Variants in DHX32 observed in about 807,000 individuals in gnomAD.
DHX32 encodes the protein putative pre-mRNA-splicing factor ATP-dependent RNA helicase DHX32.
In DHX32, 51 loss-of-function variants were observed where a neutral mutation model predicts 70.0. That is an observed-to-expected ratio of 0.73 (90% CI 0.58 to 0.92). The LOEUF (loss-of-function observed/expected upper bound fraction) is 0.92, where lower values mean the gene tolerates loss of function less well. Among genes scored for constraint, DHX32 ranks in the 40% least tolerant of loss-of-function variants. DHX32 has a pLI of 0.00. For missense variants in DHX32, 762 were observed against 891.8 expected, an observed-to-expected ratio of 0.85 and a Z score of 1.85; for synonymous variants, 310 against 315.3, an observed-to-expected ratio of 0.98 and a Z score of 0.18.
chr10:125,847,698 A>G (rs10901454), intron 6 of DHX32, among the ~76,000 whole-genome samples: 72,867 of 151,914 alleles, frequency 0.48, 18,015 homozygotes, highest in African/African-American at 0.58. Context: ...ATAATTATAC[A>G]ACTCATCATA....
chr10:125,853,083 T>A (rs1482940285), intron 4 of DHX32: 6 of 1,414,054 alleles, frequency 4.2e-6, no homozygotes, highest in Non-Finnish European at 5.9e-6. Flanking sequence ...TAACAGCTAA[T>A]ACAGAAACTG....
chr10:125,854,053 T>C lies in DHX32; in HGVS notation c.1000A>G (p.Arg334Gly). 1 of 1,614,148 alleles carries C rather than the reference T, an allele frequency of 6.2e-7. No homozygotes were observed. Among genetic ancestry groups the C allele is most frequent in the Non-Finnish European group, 8.5e-7 (1 of 1,180,012 alleles). The change falls in exon 4 of 11, where the codon AGA becomes GGA. Residue 334 changes from arginine (R) to glycine (G), a missense_variant. By Grantham distance (125) the Arg-to-Gly change is moderately radical. This residue lies in a region of DHX32 where 394 missense variants were observed against 473.1 expected (regional missense o/e 0.83). Coordinates refer to ENST00000284690, the MANE Select transcript of DHX32 (RefSeq NM_018180.3). ...GAGCTAGTAGTTAACACCACTCTTC[T>C]TTGATAAACTTGGCATCTTTTTTCT... Reference protein sequence around the residue: ...ETEKRCQVYQRRVVLTTSSGE... With the variant: ...ETEKRCQVYQGRVVLTTSSGE...
chr10:125,856,301 T>G (rs996030136), intron 3 of DHX32, among the ~76,000 whole-genome samples: 9 of 152,204 alleles, frequency 5.9e-5, no homozygotes, highest in African/African-American at 2.2e-4. Context: ...ATAAAACATT[T>G]CCCAGGAAAA....
At chr10:125,842,277 C>A in intron 6 of DHX32, 1 of 244,506 alleles carries the variant, frequency 4.1e-6, no homozygotes, top group Non-Finnish European at 7.8e-6. Context: ...GGTCACAGTA[C>A]TGGAGAGAGA....
At position 125,843,520 on chromosome 10, in the gene DHX32, G is replaced by A. The variant is rs192400567; in HGVS notation, c.1352-1586C>T. On this transcript the variant is annotated intron_variant, in intron 6 of 10. Coordinates refer to ENST00000284690, the MANE Select transcript of DHX32 (RefSeq NM_018180.3). ...CCAGCTACTCGGGAGGTTGAGGCAG[G>A]AGAATGGCGTGAACCCAGGAAGTGG... 3.9e-3 allele frequency among the ~76,000 whole-genome samples: 587 copies of A among 152,168 alleles called. 1 individual carries two copies. Among genetic ancestry groups the A allele is most frequent in the Non-Finnish European group, 5.9e-3 (402 of 68,002 alleles).
chr10:125,855,115 A>G (rs1453623909), intron 3 of DHX32, among the ~76,000 whole-genome samples: 1 of 151,688 alleles, frequency 6.6e-6, no homozygotes, highest in African/African-American at 2.4e-5. Flanking sequence ...CCAGCTACTC[A>G]CAAGGCTGAG....
chr10:125,870,216 A>G (rs559781939), intron 1 of DHX32, among the ~76,000 whole-genome samples: 1 of 152,328 alleles, frequency 6.6e-6, no homozygotes, highest in Non-Finnish European at 1.5e-5. Flanking sequence ...AGGCATAACC[A>G]TCCTGGGATC....
At chr10:125,895,491 G>C (rs1377846532) in intron 1 of DHX32, among the ~76,000 whole-genome samples, 1 of 151,940 alleles carries the variant, frequency 6.6e-6, no homozygotes, top group Non-Finnish European at 1.5e-5. Flanking sequence ...TCCTCCTTCT[G>C]GTGTTCCGGA....
chr10:125,875,738 G>A (rs1944280242), intron 1 of DHX32, among the ~76,000 whole-genome samples: 1 of 152,232 alleles, frequency 6.6e-6, no homozygotes, highest in African/African-American at 2.4e-5. Context: ...AATTATGATG[G>A]TGAAGGAGAT....
chr10:125,853,071 C>G, intron 4 of DHX32: 1 of 1,309,692 alleles, frequency 7.6e-7, no homozygotes, highest in Non-Finnish European at 1.1e-6. Context: ...GAGTTCCAAT[C>G]ATAACAGCTA....
rs1174655854 is a variant in DHX32 at position 125,839,031 on chromosome 10, C to T, written c.1851G>A (p.Lys617=). The stretch of plus-strand genomic sequence containing the variant: ...TAAAGTAACCGGACAGAAGAGCTTT[C>T]TTTATGTTTAGAGTGTTTTCCTTGG... ...FGSKENTLNI[K]KALLSGYFMQ... Residue 617 remains lysine, a synonymous_variant, in exon 9 of 11, where the codon AAG becomes AAA. Coordinates refer to ENST00000284690, the MANE Select transcript of DHX32 (RefSeq NM_018180.3). 1.2e-6 allele frequency: 2 copies of T among 1,614,098 alleles called. No homozygotes were observed. The highest frequency in any genetic ancestry group is 1.7e-6 in the Non-Finnish European group (2 of 1,179,984).
rs1392238627 is a variant in DHX32, at chr10:125,876,121, C to G, written c.282+4422G>C. ...CAGTAACTCCTCTGTTGTCCCTACC[C>G]AGAAGTGGACTCAGCACATGAGGAC... On this transcript the variant is annotated intron_variant, in intron 1 of 10. Coordinates refer to ENST00000284690, the MANE Select transcript of DHX32 (RefSeq NM_018180.3). Among the ~76,000 whole-genome samples, 4 of 152,326 alleles carry G rather than the reference C, an allele frequency of 2.6e-5. No homozygotes were observed. In the East Asian group the frequency reaches 7.7e-4, roughly 29 times the overall value.
chr10:125,868,762 A>G (rs1190731442), intron 1 of DHX32, among the ~76,000 whole-genome samples: 1 of 152,200 alleles, frequency 6.6e-6, no homozygotes, highest in Non-Finnish European at 1.5e-5. Flanking sequence ...GCTTTAGTTA[A>G]TTCTTACCTG....
At chr10:125,846,500 T>C (rs893887936) in intron 6 of DHX32, among the ~76,000 whole-genome samples, 4 of 152,238 alleles carry the variant, frequency 2.6e-5, no homozygotes, top group Non-Finnish European at 5.9e-5. Flanking sequence ...GAGTATCTTG[T>C]GCTATTGGCA....
chr10:125,871,925 G>C (rs1944258319), intron 1 of DHX32, among the ~76,000 whole-genome samples: 2 of 149,972 alleles, frequency 1.3e-5, no homozygotes, highest in Admixed American at 6.7e-5. Context: ...TGCAATGGCA[G>C]GATCTTGGCT....
rs1034593450 is a variant in DHX32 at position 125,867,507 on chromosome 10, T to C, written c.283-324A>G. On this transcript the variant is annotated intron_variant, in intron 1 of 10. Transcript: ENST00000284690. ...ATCCCAGCACTTTGGGAGGCCGAGG[T>C]GGGCGGATCACGAAGTCAGGAGATC... Among the ~76,000 whole-genome samples, 10 of 151,984 alleles carry C rather than the reference T, an allele frequency of 6.6e-5. No homozygotes were observed. The East Asian group carries it at 9.6e-4, about 15-fold the overall frequency.
chr10:125,857,879 G>GTT (rs72152222), intron 3 of DHX32, among the ~76,000 whole-genome samples: 49 of 140,828 alleles, frequency 3.5e-4, no homozygotes, highest in South Asian at 1.4e-3. Flanking sequence ...GTATATCCTG[G>GTT]TTTTTTTTTT....
At chr10:125,839,292 TACAA>T in intron 8 of DHX32, 104 bp from the exon 9 acceptor site, 2 of 1,202,838 alleles carry the variant, frequency 1.7e-6, no homozygotes, top group African/African-American at 1.5e-5. Flanking sequence ...TCTCCTCTCC[TACAA>T]AGGAGGCCAC....
In DHX32 at chr10:125,841,749, C is replaced by A; in HGVS notation, c.1537G>T (p.Val513Leu). ...GAATAGTCATTAAGGATACCTGTTACCATGGCTGCGATTGTTAGCACTTCA... is the reference window on the plus strand; with the variant it reads ...GAATAGTCATTAAGGATACCTGTTAACATGGCTGCGATTGTTAGCACTTCA... ...VDEVLTIAAMVTAPNCFSHVP... is the reference protein window; with the variant it reads ...VDEVLTIAAMLTAPNCFSHVP... Residue 513 changes from valine (V) to leucine (L), a missense_variant, in exon 7 of 11, where the codon GTA becomes TTA. This residue lies in a region of DHX32 where 366 missense variants were observed against 402.6 expected (regional missense o/e 0.91). Transcript: ENST00000284690. The A allele has an allele frequency of 1.9e-6, 3 of 1,609,486 alleles. No individual in the cohort carries two copies. Among genetic ancestry groups the A allele is most frequent in the Non-Finnish European group, 2.5e-6 (3 of 1,179,002 alleles).
Sources: allele counts gnomAD v4.1 joint callset (sites outside exome capture counted in the v4.1 genomes callset), GRCh38; gene constraint gnomAD v4.1.1; regional missense constraint gnomAD v4.1.1; transcripts MANE v1.5; gene names NCBI Gene and HGNC (gene_info 2026-07-23, HGNC 2026-07-21).